PPFIBP2: variants seen among roughly 807,000 people sequenced by gnomAD.
The protein encoded by PPFIBP2 is PPFIB scaffold protein 2, also known as liprin-beta-2.
In PPFIBP2, 118 loss-of-function variants were observed where a neutral mutation model predicts 118.3. The ratio of observed to expected loss-of-function variants is 1.00; its 90% confidence interval spans 0.86 to 1.16. PPFIBP2 has a LOEUF of 1.16. PPFIBP2 is among the 50% of genes most tolerant of loss of function. The probability of loss-of-function intolerance (pLI) is 0.00; values close to 1 mark genes in which losing one functional copy is unlikely to be tolerated. For missense variants in PPFIBP2, 1,195 were observed against 1,073.1 expected, an observed-to-expected ratio of 1.11 and a Z score of -1.59; for synonymous variants, 414 against 397.4, an observed-to-expected ratio of 1.04 and a Z score of -0.50.
intron 17 of PPFIBP2, among the ~76,000 whole-genome samples, chr11:7,646,453 T>C (rs954440510): frequency 6.6e-6 from 1 of 152,336 alleles, no homozygotes; most frequent in South Asian, 2.1e-4. Context: ...TAAATATTGA[T>C]CAGTCATGCT....
At chr11:7,555,593 G>A (rs1300815274) in intron 2 of PPFIBP2, among the ~76,000 whole-genome samples, 5 of 152,196 alleles carry the variant, frequency 3.3e-5, no homozygotes, top group African/African-American at 1.2e-4. Flanking sequence ...TGCAGGTTGT[G>A]AGAGCCCTGC....
chr11:7,666,322 A>C, the PPFIBP2 span: 1 of 649,006 alleles, frequency 1.5e-6, no homozygotes, highest in Middle Eastern at 4.3e-4. Flanking sequence ...ATCTGGAGCC[A>C]GAGCCCCAGG....
chr11:7,666,711 G>C, the PPFIBP2 span: 2 of 552,836 alleles, frequency 3.6e-6, no homozygotes, highest in Non-Finnish European at 6.5e-6. Context: ...TGCTGCTCCT[G>C]AAGCTCAAAC....
At chr11:7,566,056 CA>C (rs57937128) in intron 3 of PPFIBP2, among the ~76,000 whole-genome samples, 5,425 of 152,226 alleles carry the variant, frequency 0.036, 128 homozygotes, top group African/African-American at 0.056. Context: ...CACACACACA[CA>C]CCCTCGAATT....
chr11:7,557,199 C>T (rs533588647), intron 2 of PPFIBP2, among the ~76,000 whole-genome samples: 3 of 151,946 alleles, frequency 2.0e-5, no homozygotes, highest in African/African-American at 7.2e-5. Flanking sequence ...TGCTATTTAA[C>T]CTGTTCACTT....
At chr11:7,648,338 A>C (rs761059697) in intron 17 of PPFIBP2, 49 bp from the exon 18 acceptor site, 1 of 1,561,378 alleles carries the variant, frequency 6.4e-7, no homozygotes, top group East Asian at 2.3e-5. Flanking sequence ...TAGATTCAGA[A>C]CCTCAGGCTC....
At chr11:7,537,450 A>G (rs146721188) in intron 1 of PPFIBP2, among the ~76,000 whole-genome samples, 1 of 152,246 alleles carries the variant, frequency 6.6e-6, no homozygotes, top group African/African-American at 2.4e-5. Flanking sequence ...ATAATTCACC[A>G]TCATCTTGAT....
At chr11:7,580,676 G>A (rs1397643361) in intron 3 of PPFIBP2, among the ~76,000 whole-genome samples, 1 of 152,134 alleles carries the variant, frequency 6.6e-6, no homozygotes, top group African/African-American at 2.4e-5. Flanking sequence ...GCATTGCCAC[G>A]TTTACCAGCT....
At chr11:7,562,989 A>T (rs1854522853) in intron 2 of PPFIBP2, among the ~76,000 whole-genome samples, 1 of 145,256 alleles carries the variant, frequency 6.9e-6, no homozygotes, top group Non-Finnish European at 1.5e-5. Context: ...ACGCACACAC[A>T]CATATGCCTG....
At chr11:7,626,618 G>T (rs766408269) in intron 8 of PPFIBP2, among the ~76,000 whole-genome samples, 6 of 152,228 alleles carry the variant, frequency 3.9e-5, no homozygotes, top group Non-Finnish European at 7.3e-5. Context: ...TGAAAGGATG[G>T]TGAATGGTCC....
chr11:7,653,620 C>T lies in PPFIBP2; in HGVS notation c.*402C>T, dbSNP rs1590833266. 1.5e-6 allele frequency: 2 copies of T among 1,295,870 alleles called. No individual in the cohort carries two copies. The highest frequency in any genetic ancestry group is 2.0e-6 in the Non-Finnish European group (2 of 993,478). 80.3% of individuals were successfully genotyped at this position (1,295,870 alleles called of 1,614,324 possible). On this transcript the variant is annotated 3_prime_UTR_variant, in exon 24 of 24. Coordinates refer to ENST00000299492, the MANE Select transcript of PPFIBP2 (RefSeq NM_003621.5). ...AGGGAAAAGCTCAAGTGCCTTAGGCCCGTGGACCACAGTCTTGGCTGAGAT... is the reference window on the plus strand; with the variant it reads ...AGGGAAAAGCTCAAGTGCCTTAGGCTCGTGGACCACAGTCTTGGCTGAGAT...
At chr11:7,600,697 C>T (rs962295601) in intron 5 of PPFIBP2, among the ~76,000 whole-genome samples, 37 of 152,174 alleles carry the variant, frequency 2.4e-4, no homozygotes, top group Admixed American at 6.5e-5. Flanking sequence ...GGTGCTTCCT[C>T]GGGGTTTGCT....
At chr11:7,517,538 G>A (rs113688410) in intron 1 of PPFIBP2, among the ~76,000 whole-genome samples, 2 of 145,694 alleles carry the variant, frequency 1.4e-5, no homozygotes, top group African/African-American at 5.2e-5. Flanking sequence ...AGTTTTGAAA[G>A]GATGTCCCTG....
chr11:7,573,594 G>A (rs896162381), intron 3 of PPFIBP2, among the ~76,000 whole-genome samples: 28 of 152,158 alleles, frequency 1.8e-4, no homozygotes, highest in African/African-American at 6.5e-4. Flanking sequence ...AAAGTCTGCC[G>A]ACCTTTGTAC....
At chr11:7,532,640 C>G (rs1049629009) in intron 1 of PPFIBP2, among the ~76,000 whole-genome samples, 2 of 152,202 alleles carry the variant, frequency 1.3e-5, no homozygotes, top group Non-Finnish European at 1.5e-5. Flanking sequence ...GCCCTCGGAA[C>G]TCCAGTGAAC....
chr11:7,552,718 C>T (rs760675642), intron 2 of PPFIBP2, among the ~76,000 whole-genome samples: 1 of 152,130 alleles, frequency 6.6e-6, no homozygotes, highest in South Asian at 2.1e-4. Context: ...ATCCCTTTTA[C>T]GTTCCCAGGG....
intron 2 of PPFIBP2, among the ~76,000 whole-genome samples, chr11:7,564,264 C>A (rs887645228): frequency 2.6e-5 from 4 of 152,110 alleles, no homozygotes; most frequent in Admixed American, 2.6e-4. Flanking sequence ...TTGAAGCACT[C>A]TCTCTCTAGA....
chr11:7,596,783 A>G (rs1171962072), intron 4 of PPFIBP2, among the ~76,000 whole-genome samples: 1 of 152,200 alleles, frequency 6.6e-6, no homozygotes, highest in Non-Finnish European at 1.5e-5. Flanking sequence ...CTCTTAATAA[A>G]GAAAAAGGAT....
intron 5 of PPFIBP2, among the ~76,000 whole-genome samples, chr11:7,601,757 C>T (rs1176773321): frequency 6.6e-6 from 1 of 152,080 alleles, no homozygotes; most frequent in Admixed American, 6.6e-5. Flanking sequence ...GTCAGGAGTT[C>T]GAGAACAGCC....
Sources: gnomAD v4.1 joint callset for allele counts (sites outside exome capture counted in the v4.1 genomes callset) on GRCh38, gnomAD v4.1.1 for gene constraint, MANE v1.5 for transcripts, NCBI Gene and HGNC (gene_info 2026-07-23, HGNC 2026-07-21) for gene names.